Variants in FNDC1 observed in about 807,000 individuals in gnomAD.
FNDC1 encodes the protein fibronectin type III domain-containing protein 1.
Under a neutral mutation model 168.0 loss-of-function variants are expected in FNDC1, and 96 were observed. That is an observed-to-expected ratio of 0.57 (90% CI 0.48 to 0.68). FNDC1 has a LOEUF of 0.68. Ranked by LOEUF, FNDC1 falls within the 30% of genes least tolerant of loss-of-function variation. The pLI is 0.00. For synonymous variants in FNDC1, 1,099 were observed against 1,025.9 expected (o/e 1.07, Z -1.36); for missense variants, 2,587 against 2,482.1 (o/e 1.04, Z -0.90).
At chr6:159,230,753 T>C (rs1380476539) in intron 10 of FNDC1, among the ~76,000 whole-genome samples, 4 of 152,186 alleles carry the variant, frequency 2.6e-5, no homozygotes, top group African/African-American at 9.7e-5. Context: ...TCCTTCATTA[T>C]GTGCTATGAA....
intron 21 of FNDC1, among the ~76,000 whole-genome samples, chr6:159,266,505 G>A (rs1777596326): frequency 6.6e-6 from 1 of 152,148 alleles, no homozygotes; most frequent in South Asian, 2.1e-4. Context: ...AGCACTTTGG[G>A]AGGCCGAGGT....
chr6:159,215,788 C>T (rs913753134), intron 5 of FNDC1, among the ~76,000 whole-genome samples: 4 of 152,024 alleles, frequency 2.6e-5, no homozygotes, highest in Admixed American at 6.6e-5. Context: ...TAGGCTGGGA[C>T]GCTAGGCCAG....
intron 14 of FNDC1, among the ~76,000 whole-genome samples, chr6:159,241,898 G>T (rs1783429661): frequency 1.3e-5 from 2 of 152,024 alleles, no homozygotes; most frequent in South Asian, 4.2e-4. Context: ...ACCTCCCAAA[G>T]TTCCCTCCCA....
rs1783167161 is a variant in FNDC1 at position 159,233,755 on chromosome 6, C to G, written c.3243C>G (p.Asp1081Glu). Reference protein sequence around the residue: ...QDEDAQGSYDDDSTEVEAQDV... With the variant: ...QDEDAQGSYDEDSTEVEAQDV... ...AGGATGCCCAGGGCAGCTACGACGACGACAGCACAGAAGTCGAGGCCCAGG... is the reference window on the plus strand; with the variant it reads ...AGGATGCCCAGGGCAGCTACGACGAGGACAGCACAGAAGTCGAGGCCCAGG... Residue 1081 changes from aspartate to glutamate, a missense_variant, in exon 11 of 23, where the codon GAC becomes GAG. Transcript: ENST00000297267. The surrounding 1 kb of genome is among the most constrained non-coding windows in gnomAD (Gnocchi z 4.6). The G allele has an allele frequency of 6.5e-7, 1 of 1,547,920 alleles. No individual in the cohort carries two copies. Among genetic ancestry groups the G allele is most frequent in the Admixed American group, 2.0e-5 (1 of 50,632 alleles).
chr6:159,232,178 C>T lies in FNDC1; in HGVS notation c.1666C>T (p.Pro556Ser). 6.2e-7 allele frequency: 1 copy of T among 1,613,766 alleles called. No homozygotes were observed. Residue 556 changes from proline (P) to serine (S), a missense_variant, in exon 11 of 23, where the codon CCC becomes TCC. Transcript: ENST00000297267. This position sits in a 1 kb window ranked among gnomAD's most constrained non-coding sequence, Gnocchi z 4.9. Reference protein sequence around the residue: ...LGSREDSPMSPSDTQDQKRTL... With the variant: ...LGSREDSPMSSSDTQDQKRTL... ...TTCCCGGGAGGACTCGCCCATGTCA[C>T]CCTCAGACACCCAAGACCAGAAACG... is the stretch of plus-strand genomic sequence containing the variant.
chr6:159,250,080 T>A (rs1777224593), intron 16 of FNDC1, among the ~76,000 whole-genome samples: 2 of 152,226 alleles, frequency 1.3e-5, no homozygotes, highest in South Asian at 2.1e-4. Context: ...ATGACGGGAA[T>A]TGAAATGCTT....
rs1562316067 is a variant in FNDC1 at position 159,269,494 on chromosome 6, CT to C, written c.5569+1569del. Among the ~76,000 whole-genome samples the C allele has an allele frequency of 1.8e-3, 231 of 130,104 alleles. 1 individual carries two copies. The highest frequency in any genetic ancestry group is 4.2e-3 in the African/African-American group (130 of 30,694). The allele number at this position is 130,104 out of a possible 152,430, so 85.4% of individuals were successfully genotyped here. A position where few individuals can be genotyped will look rare whatever the true frequency, so the allele number is the denominator to read the frequency against. Reference sequence around the variant, plus strand: ...TCTATCTATCTATCTATCTATCTATCTATCTATCCATCCATCCATGCATCCA... The same window carrying C: ...TCTATCTATCTATCTATCTATCTATCATCTATCCATCCATCCATGCATCCA... On this transcript the variant is annotated intron_variant, in intron 22 of 22. Transcript: ENST00000297267.
chr6:159,232,689 C>A lies in FNDC1; in HGVS notation c.2177C>A (p.Ser726Ter). The A allele has an allele frequency of 6.2e-7, 1 of 1,613,930 alleles. No individual in the cohort carries two copies. The highest frequency in any genetic ancestry group is 8.5e-7 in the Non-Finnish European group (1 of 1,179,870). ...PSRLSPPHGG[S>*]SRLLPTQPHL... The stretch of plus-strand genomic sequence containing the variant: ...AGACTTTCTCCACCCCATGGGGGAT[C>A]ATCTCGGCTGCTGCCCACCCAGCCA... Residue 726 changes from serine to a stop codon, truncating the protein, a stop_gained, in exon 11 of 23, where the codon TCA becomes TAA. Coordinates refer to ENST00000297267, the MANE Select transcript of FNDC1 (RefSeq NM_032532.3). LOFTEE classifies it high-confidence loss of function. This position sits in a 1 kb window ranked among gnomAD's most constrained non-coding sequence, Gnocchi z 4.9.
In FNDC1 at chr6:159,239,637, T is replaced by C. The variant is rs779021264; in HGVS notation, c.4301T>C (p.Leu1434Pro). ...KPILSLGGKP[L>P]VGLEVIKKTT... Reference sequence around the variant, plus strand: ...ATTTTGAGTCTTGGAGGAAAGCCGCTGGTGGGCTTGGAGGTCATCAAAAAA... The same window carrying C: ...ATTTTGAGTCTTGGAGGAAAGCCGCCGGTGGGCTTGGAGGTCATCAAAAAA... Residue 1434 changes from leucine to proline, a missense_variant, in exon 14 of 23, where the codon CTG becomes CCG. Transcript: ENST00000297267. 6.4e-7 allele frequency: 1 copy of C among 1,556,420 alleles called. No homozygotes were observed. The highest frequency in any genetic ancestry group is 8.7e-7 in the Non-Finnish European group (1 of 1,149,232).
intron 12 of FNDC1, among the ~76,000 whole-genome samples, chr6:159,237,990 A>T (rs934907997): frequency 1.3e-5 from 2 of 152,244 alleles, no homozygotes; most frequent in African/African-American, 4.8e-5. Context: ...GACACAATGT[A>T]CTTAATGGTA....
intron 9 of FNDC1, among the ~76,000 whole-genome samples, chr6:159,228,545 G>GTT (rs530842105): frequency 6.7e-6 from 1 of 149,994 alleles, no homozygotes; most frequent in Non-Finnish European, 1.5e-5. Flanking sequence ...TGGTTGAAAC[G>GTT]TTTTTTTTTT....
At chr6:159,245,553 T>C (rs939698512) in intron 14 of FNDC1, among the ~76,000 whole-genome samples, 1 of 152,224 alleles carries the variant, frequency 6.6e-6, no homozygotes, top group Non-Finnish European at 1.5e-5. Flanking sequence ...TTCTCCTTTT[T>C]ACAGCTACAT....
chr6:159,196,399 G>C (rs1005825212), intron 1 of FNDC1, among the ~76,000 whole-genome samples: 2 of 152,188 alleles, frequency 1.3e-5, no homozygotes, highest in African/African-American at 4.8e-5. Flanking sequence ...TGGGAGGAGT[G>C]ATGTGTGTTA....
At position 159,169,689 on chromosome 6, in the gene FNDC1, C is replaced by T; in HGVS notation, c.93C>T (p.Ser31=). 1 of 1,160,448 alleles carries T rather than the reference C, an allele frequency of 8.6e-7. No individual in the cohort carries two copies. Among genetic ancestry groups the T allele is most frequent in the South Asian group, 4.2e-5 (1 of 23,702 alleles). 71.9% of individuals were successfully genotyped at this position (1,160,448 alleles called of 1,614,324 possible). Residue 31 remains serine (S), a synonymous_variant, in exon 1 of 23, where the codon TCC becomes TCT. Coordinates refer to ENST00000297267, the MANE Select transcript of FNDC1 (RefSeq NM_032532.3). This position sits in a 1 kb window ranked among gnomAD's most constrained non-coding sequence, Gnocchi z 6.8. ...LLLAALLPVA[S]SAAASVDHPL... ...TGGCCGCGCTGCTCCCCGTCGCCTC[C>T]TCGGCGGCGGCCTCAGGTACGCGCC...
intron 14 of FNDC1, among the ~76,000 whole-genome samples, chr6:159,241,784 G>A (rs550719862): frequency 1.3e-3 from 203 of 152,098 alleles, no homozygotes; most frequent in African/African-American, 4.7e-3. Flanking sequence ...CTTGATGTAT[G>A]CATAGAAAAA....
At chr6:159,203,419 C>A (rs1462775993) in intron 4 of FNDC1, among the ~76,000 whole-genome samples, 4 of 152,046 alleles carry the variant, frequency 2.6e-5, no homozygotes, top group African/African-American at 4.8e-5. Flanking sequence ...GAGGACCATG[C>A]CAGAGAGTCC....
chr6:159,261,911 G>T (rs1300755648), intron 19 of FNDC1, among the ~76,000 whole-genome samples: 1 of 151,514 alleles, frequency 6.6e-6, no homozygotes, highest in Non-Finnish European at 1.5e-5. Context: ...AGACCAGCTT[G>T]AGCAACACAG....
chr6:159,229,664 T>G lies in FNDC1; in HGVS notation c.1181-151T>G, dbSNP rs1184330141. The G allele has an allele frequency of 8.1e-6, 5 of 617,114 alleles. No homozygotes were observed. In the East Asian group the frequency reaches 1.1e-4, roughly 14 times the overall value. 38.2% of individuals were successfully genotyped at this position (617,114 alleles called of 1,614,324 possible). A position where few individuals can be genotyped will look rare whatever the true frequency, so the allele number is the denominator to read the frequency against. ...GAATGTGAGTTCACCTTCTGCTGTG[T>G]CTTCATGCTCCAGCTGGTGACTTGG... is the stretch of plus-strand genomic sequence containing the variant. On this transcript the variant is annotated intron_variant, in intron 9 of 22. Transcript: ENST00000297267.
chr6:159,239,455 G>C, intron 13 of FNDC1, 62 bp from the exon 14 acceptor site: 1 of 1,410,590 alleles, frequency 7.1e-7, no homozygotes, highest in South Asian at 1.4e-5. Context: ...CTTATTGCTT[G>C]CTTTTTATTT....
Sources: gnomAD v4.1 joint callset for allele counts (sites outside exome capture counted in the v4.1 genomes callset) on GRCh38, gnomAD v4.1.1 for gene constraint, Gnocchi (gnomAD v3.1) non-coding constraint, MANE v1.5 for transcripts, NCBI Gene and HGNC (gene_info 2026-07-23, HGNC 2026-07-21) for gene names.